Variants in BICDL1 observed in about 807,000 individuals in gnomAD.
The protein encoded by BICDL1 is BICD family-like cargo adapter 1.
A neutral mutation model predicts 76.8 loss-of-function variants in BICDL1; 20 were observed. The observed-to-expected ratio is 0.26, with a 90% CI of 0.18 to 0.38. BICDL1 has a LOEUF of 0.38. BICDL1 is among the 10% of genes least tolerant of loss of function. BICDL1 has a pLI of 1.00. For synonymous variants in BICDL1, 383 were observed against 337.1 expected (o/e 1.14, Z -1.49); for missense variants, 700 against 798.6 (o/e 0.88, Z 1.49).
chr12:120,045,808 T>C (rs1032119467), intron 2 of BICDL1, among the ~76,000 whole-genome samples: 8 of 149,856 alleles, frequency 5.3e-5, no homozygotes, highest in Non-Finnish European at 1.0e-4. Context: ...TTGGGAGATA[T>C]ACCTAATGCT....
Position 119,990,188 on chromosome 12 carries a change from A to G in BICDL1, c.320A>G (p.Glu107Gly), listed in dbSNP as rs1951487453. The G allele has an allele frequency of 6.4e-7, 1 of 1,558,748 alleles. No individual in the cohort carries two copies. The highest frequency in any genetic ancestry group is 8.7e-7 in the Non-Finnish European group (1 of 1,151,764). ...PELLSVIRQKEKDLVLAARLG... is the reference protein window; with the variant it reads ...PELLSVIRQKGKDLVLAARLG... ...CTGCTGTCGGTGATCCGACAGAAGG[A>G]GAAGGATCTGGTGTTGGCGGCCCGG... Residue 107 changes from glutamate to glycine, a missense_variant, in exon 1 of 10, where the codon GAG becomes GGG. Coordinates refer to ENST00000548673, the MANE Select transcript of BICDL1 (RefSeq NM_001367886.1).
chr12:119,990,305 C>T lies in BICDL1; in HGVS notation c.429+8C>T, dbSNP rs762336767. 4 of 1,556,060 alleles carry T rather than the reference C, an allele frequency of 2.6e-6. No individual in the cohort carries two copies. The highest frequency in any genetic ancestry group is 2.4e-5 in the East Asian group (1 of 41,156). On this transcript the variant is annotated splice_region_variant and intron_variant, in intron 1 of 9. Coordinates refer to ENST00000548673, the MANE Select transcript of BICDL1 (RefSeq NM_001367886.1). ...CTGACAGACAAGCTCGAGGTGAGGACCTCCCTCCAGGGATGGGTGGGGAGC... is the reference window on the plus strand; with the variant it reads ...CTGACAGACAAGCTCGAGGTGAGGATCTCCCTCCAGGGATGGGTGGGGAGC...
intron 6 of BICDL1, among the ~76,000 whole-genome samples, 159 bp from the exon 7 acceptor site, chr12:120,074,284 C>A (rs1049085258): frequency 6.6e-6 from 1 of 152,064 alleles, no homozygotes; most frequent in Non-Finnish European, 1.5e-5. Context: ...TTCCCTTCAT[C>A]TTCCCTACTA....
chr12:120,040,442 T>C (rs1157087588), intron 2 of BICDL1, among the ~76,000 whole-genome samples: 1 of 151,716 alleles, frequency 6.6e-6, no homozygotes, highest in African/African-American at 2.4e-5. Context: ...TGTTTGTTTG[T>C]TTGAGACAAG....
intron 9 of BICDL1, chr12:120,092,105 A>C: frequency 4.1e-6 from 4 of 985,420 alleles, no homozygotes; most frequent in Non-Finnish European, 3.6e-6. Flanking sequence ...CATATTTCTA[A>C]AGCAGGAGTT....
At position 120,092,464 on chromosome 12, in the gene BICDL1, G is replaced by A. The variant is rs543746607; in HGVS notation, c.1705-536G>A. 11 of 985,470 alleles carry A rather than the reference G, an allele frequency of 1.1e-5. No homozygotes were observed. In the South Asian group the frequency reaches 2.3e-4, roughly 21 times the overall value. 61.0% of individuals were successfully genotyped at this position (985,470 alleles called of 1,614,324 possible). On this transcript the variant is annotated intron_variant, in intron 9 of 9. Coordinates refer to ENST00000548673, the MANE Select transcript of BICDL1 (RefSeq NM_001367886.1). ...GCAGCACCCAGGGCATCCTTGCCAC[G>A]TGAGGCTGCCGTTGGTGCCTGGGCA...
At chr12:119,990,335 G>A (rs1444515292) in intron 1 of BICDL1, 38 bp downstream of exon 1, 1 of 1,544,280 alleles carries the variant, frequency 6.5e-7, no homozygotes, top group Non-Finnish European at 8.7e-7. Context: ...GGGAGCAGGG[G>A]CCGCCCAGGC....
intron 8 of BICDL1, 90 bp downstream of exon 8, chr12:120,081,107 A>C: frequency 7.4e-7 from 1 of 1,344,572 alleles, no homozygotes. Flanking sequence ...AAATCATACA[A>C]AAGAATACAA....
At chr12:120,014,120 A>C (rs553216307) in intron 2 of BICDL1, among the ~76,000 whole-genome samples, 1 of 152,322 alleles carries the variant, frequency 6.6e-6, no homozygotes, top group South Asian at 2.1e-4. Context: ...AATCTTTGCA[A>C]AGTAATTCTG....
intron 2 of BICDL1, among the ~76,000 whole-genome samples, chr12:120,032,392 T>G (rs1337678223): frequency 1.3e-5 from 2 of 152,184 alleles, no homozygotes; most frequent in Non-Finnish European, 2.9e-5. Context: ...GCCCTGTCAC[T>G]TTTAAGCTGA....
chr12:120,078,130 A>C (rs1566264283), intron 7 of BICDL1, among the ~76,000 whole-genome samples: 1 of 152,156 alleles, frequency 6.6e-6, no homozygotes. Flanking sequence ...TCAGCCTTCA[A>C]GTTCCCAATC....
At chr12:120,070,977 C>G (rs932202818) in intron 4 of BICDL1, among the ~76,000 whole-genome samples, 1 of 151,782 alleles carries the variant, frequency 6.6e-6, no homozygotes, top group Non-Finnish European at 1.5e-5. Flanking sequence ...TGATCTGCCC[C>G]CTTTGGCCTT....
chr12:120,080,861 T>A (rs1415520246), intron 7 of BICDL1, 26 bp from the exon 8 acceptor site: 1 of 1,609,850 alleles, frequency 6.2e-7, no homozygotes, highest in South Asian at 1.1e-5. Context: ...ACAGCAGCAG[T>A]GATACCATAT....
chr12:120,053,849 A>G (rs1952916006), intron 2 of BICDL1, among the ~76,000 whole-genome samples: 2 of 152,106 alleles, frequency 1.3e-5, no homozygotes, highest in Admixed American at 6.6e-5. Context: ...AAATACATGT[A>G]TGTTTATCAG....
At chr12:119,996,543 C>T (rs1951649281) in intron 1 of BICDL1, among the ~76,000 whole-genome samples, 1 of 152,112 alleles carries the variant, frequency 6.6e-6, no homozygotes, top group African/African-American at 2.4e-5. Context: ...AGTATAGCCT[C>T]TCAAGATAAG....
chr12:120,048,266 G>C (rs1460108629), intron 2 of BICDL1, among the ~76,000 whole-genome samples: 3 of 151,896 alleles, frequency 2.0e-5, no homozygotes, highest in Non-Finnish European at 2.9e-5. Context: ...ATCATAGCTT[G>C]CTGTAGCCTT....
chr12:120,025,814 A>G (rs530352983), intron 2 of BICDL1, among the ~76,000 whole-genome samples: 37 of 152,128 alleles, frequency 2.4e-4, no homozygotes, highest in Non-Finnish European at 5.0e-4. Flanking sequence ...ATTTCTATAT[A>G]TACCACATTC....
At chr12:120,031,671 GA>G (rs1952426871) in intron 2 of BICDL1, among the ~76,000 whole-genome samples, 1 of 152,088 alleles carries the variant, frequency 6.6e-6, no homozygotes, top group South Asian at 2.1e-4. Flanking sequence ...AATGTGTGTT[GA>G]AAGCATAAAT....
chr12:120,030,374 A>G (rs1030687720), intron 2 of BICDL1, among the ~76,000 whole-genome samples: 2 of 152,252 alleles, frequency 1.3e-5, no homozygotes, highest in African/African-American at 4.8e-5. Context: ...AAAGAGCCTA[A>G]TAATGACTAT....
Sources: gnomAD v4.1 joint callset for allele counts (sites outside exome capture counted in the v4.1 genomes callset) on GRCh38, gnomAD v4.1.1 for gene constraint, MANE v1.5 for transcripts, NCBI Gene and HGNC (gene_info 2026-07-23, HGNC 2026-07-21) for gene names.